Variants in DPP10 observed in about 807,000 individuals in gnomAD.
The protein encoded by DPP10 is dipeptidyl peptidase like 10.
A neutral mutation model predicts 120.9 loss-of-function variants in DPP10; 33 were observed. The observed-to-expected ratio is 0.27, with a 90% CI of 0.21 to 0.37. DPP10 has a LOEUF of 0.37. DPP10 is among the 10% of genes least tolerant of loss of function. The probability of loss-of-function intolerance (pLI) is 1.00; values close to 1 mark genes in which losing one functional copy is unlikely to be tolerated. For synonymous variants in DPP10, 337 were observed against 326.1 expected, an observed-to-expected ratio of 1.03 and a Z score of -0.36; for missense variants, 816 against 942.8, an observed-to-expected ratio of 0.87 and a Z score of 1.76.
At chr2:115,440,339 C>A (rs900636056) in intron 3 of DPP10, among the ~76,000 whole-genome samples, 1 of 152,098 alleles carries the variant, frequency 6.6e-6, no homozygotes, top group African/African-American at 2.4e-5. Flanking sequence ...ATGGCATATT[C>A]CGCTGTATGA....
chr2:114,978,131 G>A (rs1036036397), intron 1 of DPP10, among the ~76,000 whole-genome samples: 2 of 152,046 alleles, frequency 1.3e-5, no homozygotes, highest in Admixed American at 6.5e-5. Flanking sequence ...AGTTTGGATC[G>A]CTGTCCTGAC....
intron 1 of DPP10, among the ~76,000 whole-genome samples, chr2:114,605,295 C>A (rs1692697103): frequency 6.6e-6 from 1 of 152,048 alleles, no homozygotes; most frequent in Admixed American, 6.6e-5. Flanking sequence ...ATGGGTCCAC[C>A]TATACGTGGA....
At chr2:114,455,660 A>G (rs1273789818) in intron 1 of DPP10, among the ~76,000 whole-genome samples, 3 of 151,998 alleles carry the variant, frequency 2.0e-5, no homozygotes, top group Non-Finnish European at 4.4e-5. Flanking sequence ...ACTTTTTTCC[A>G]TAATAAGAAG....
At chr2:115,431,499 A>G (rs1027531232) in intron 3 of DPP10, among the ~76,000 whole-genome samples, 4 of 152,172 alleles carry the variant, frequency 2.6e-5, no homozygotes, top group Non-Finnish European at 5.9e-5. Flanking sequence ...GCAGTGGTGT[A>G]GAGATAGCAC....
At chr2:115,307,361 T>C (rs934385986) in intron 1 of DPP10, among the ~76,000 whole-genome samples, 5 of 152,144 alleles carry the variant, frequency 3.3e-5, no homozygotes, top group Admixed American at 6.6e-5. Flanking sequence ...TCATAATCAG[T>C]AAATTTCAGT....
intron 1 of DPP10, among the ~76,000 whole-genome samples, chr2:114,695,094 G>A (rs191608942): frequency 6.6e-6 from 1 of 152,006 alleles, no homozygotes; most frequent in African/African-American, 2.4e-5. Flanking sequence ...AAATGGAGGG[G>A]GTGATATACT....
At chr2:114,590,513 G>A (rs558949125) in intron 1 of DPP10, among the ~76,000 whole-genome samples, 2 of 152,308 alleles carry the variant, frequency 1.3e-5, no homozygotes, top group East Asian at 3.9e-4. Context: ...AGTTTAATGT[G>A]AAGTGTTAAC....
chr2:114,925,863 A>G (rs1365965414), intron 1 of DPP10, among the ~76,000 whole-genome samples: 1 of 152,168 alleles, frequency 6.6e-6, no homozygotes, highest in African/African-American at 2.4e-5. Flanking sequence ...CCAAACGGTA[A>G]AAGGAAAGAA....
chr2:114,452,132 C>G (rs1336363767), intron 1 of DPP10, among the ~76,000 whole-genome samples: 1 of 152,126 alleles, frequency 6.6e-6, no homozygotes, highest in Admixed American at 6.6e-5. Flanking sequence ...AAATAATATA[C>G]TGACCATCAT....
intron 1 of DPP10, among the ~76,000 whole-genome samples, chr2:115,165,959 C>A (rs778684327): frequency 1.3e-5 from 2 of 152,188 alleles, no homozygotes; most frequent in Non-Finnish European, 2.9e-5. Flanking sequence ...CAATCTCTTA[C>A]AATTGAACGT....
intron 5 of DPP10, among the ~76,000 whole-genome samples, chr2:115,647,008 T>TA (rs150257463): frequency 0.018 from 2,712 of 152,168 alleles, 89 homozygotes; most frequent in African/African-American, 0.062. Context: ...ATAGTAACCA[T>TA]AAAAATAGTT....
chr2:115,134,669 G>A (rs934856111), intron 1 of DPP10, among the ~76,000 whole-genome samples: 1 of 151,974 alleles, frequency 6.6e-6, no homozygotes, highest in Non-Finnish European at 1.5e-5. Flanking sequence ...AAAAAGATCA[G>A]AGTAATAGCA....
chr2:115,451,758 A>G (rs1253309323), intron 3 of DPP10, among the ~76,000 whole-genome samples: 2 of 152,008 alleles, frequency 1.3e-5, no homozygotes, highest in Admixed American at 6.6e-5. Context: ...AAACAAAAAC[A>G]TTATAAAAAT....
chr2:114,709,128 G>T (rs1700865916), intron 1 of DPP10, among the ~76,000 whole-genome samples: 1 of 152,088 alleles, frequency 6.6e-6, no homozygotes, highest in South Asian at 2.1e-4. Flanking sequence ...CAATTCCCAG[G>T]CTCCTATGTC....
chr2:115,297,670 A>G (rs537999394), intron 1 of DPP10, among the ~76,000 whole-genome samples: 2 of 152,158 alleles, frequency 1.3e-5, no homozygotes, highest in Non-Finnish European at 2.9e-5. Flanking sequence ...CTAGTCTGTT[A>G]ACTAGAAACT....
chr2:115,586,791 TCTTA>T (rs1224895628), intron 5 of DPP10, among the ~76,000 whole-genome samples: 1 of 152,208 alleles, frequency 6.6e-6, no homozygotes, highest in Non-Finnish European at 1.5e-5. Flanking sequence ...AGCATTATAT[TCTTA>T]CTTGAGTTTT....
At chr2:114,940,069 G>C (rs1013808249) in intron 1 of DPP10, among the ~76,000 whole-genome samples, 1 of 152,038 alleles carries the variant, frequency 6.6e-6, no homozygotes, top group Non-Finnish European at 1.5e-5. Flanking sequence ...TATGTATTCT[G>C]CCAACTTCTT....
chr2:115,009,667 C>A (rs1051114377), intron 1 of DPP10, among the ~76,000 whole-genome samples: 1 of 151,002 alleles, frequency 6.6e-6, no homozygotes, highest in African/African-American at 2.4e-5. Context: ...AGGAGAAATA[C>A]CTAATGTAGA....
At chr2:114,670,322 C>A (rs1264028845) in intron 1 of DPP10, among the ~76,000 whole-genome samples, 2 of 152,158 alleles carry the variant, frequency 1.3e-5, no homozygotes, top group Non-Finnish European at 2.9e-5. Flanking sequence ...AAATGTGGTA[C>A]ATATACACCA....
Sources: allele counts gnomAD v4.1 joint callset (sites outside exome capture counted in the v4.1 genomes callset), GRCh38; gene constraint gnomAD v4.1.1; transcripts MANE v1.5; gene names NCBI Gene and HGNC (gene_info 2026-07-23, HGNC 2026-07-21).